The following ESRRB variants were observed in gnomAD, a reference collection of about 807,000 sequenced individuals.
ESRRB encodes estrogen related receptor beta.
In ESRRB, 16 loss-of-function variants were observed where a neutral mutation model predicts 46.0. That is an observed-to-expected ratio of 0.35 (90% CI 0.24 to 0.53). The LOEUF (loss-of-function observed/expected upper bound fraction) is 0.53. Among genes scored for constraint, ESRRB ranks in the 20% least tolerant of loss-of-function variants. ESRRB has a pLI of 0.93. For missense variants in ESRRB, 488 were observed against 607.4 expected (o/e 0.80, Z 2.07); for synonymous variants, 246 against 259.6 (o/e 0.95, Z 0.50).
chr14:76,425,166 A>C (rs1480709412), intron 1 of ESRRB, among the ~76,000 whole-genome samples: 1 of 152,238 alleles, frequency 6.6e-6, no homozygotes, highest in African/African-American at 2.4e-5. Flanking sequence ...TGCCTTCCGC[A>C]GTCTGGAGGG....
intron 2 of ESRRB, among the ~76,000 whole-genome samples, chr14:76,440,699 CTTTCTT>C (rs1318038470): frequency 1.3e-5 from 2 of 149,934 alleles, no homozygotes; most frequent in Non-Finnish European, 2.9e-5. Flanking sequence ...CTCTCACTCT[CTTTCTT>C]TTTCTTTCTC....
chr14:76,326,572 T>A (rs1883932442), intron 1 of ESRRB, among the ~76,000 whole-genome samples: 1 of 152,180 alleles, frequency 6.6e-6, no homozygotes, highest in South Asian at 2.1e-4. Flanking sequence ...ACAGTGAGTG[T>A]TGCTGGCGTT....
At chr14:76,399,781 G>C (rs1181257785) in intron 1 of ESRRB, among the ~76,000 whole-genome samples, 2 of 152,186 alleles carry the variant, frequency 1.3e-5, no homozygotes, top group African/African-American at 2.4e-5. Flanking sequence ...CCATGAGGAA[G>C]GGGACAGCGC....
intron 1 of ESRRB, among the ~76,000 whole-genome samples, chr14:76,385,809 C>A (rs982568027): frequency 5.9e-5 from 9 of 152,326 alleles, no homozygotes; most frequent in African/African-American, 2.2e-4. Flanking sequence ...TGGTTTCCCT[C>A]CCCTTTCTTT....
intron 1 of ESRRB, among the ~76,000 whole-genome samples, chr14:76,410,660 G>A (rs1336292770): frequency 1.3e-5 from 2 of 152,174 alleles, no homozygotes; most frequent in Non-Finnish European, 2.9e-5. Context: ...ATATCCTGGG[G>A]TCTTTCTGTG....
chr14:76,334,543 C>G (rs1055640615), intron 1 of ESRRB, among the ~76,000 whole-genome samples: 1 of 152,176 alleles, frequency 6.6e-6, no homozygotes, highest in Non-Finnish European at 1.5e-5. Flanking sequence ...TCCAGGGCCT[C>G]GCCTGCGACA....
At position 76,482,454 on chromosome 14, in the gene ESRRB, C is replaced by T; in HGVS notation, c.689-144C>T. 1.3e-6 allele frequency: 1 copy of T among 778,810 alleles called. No individual in the cohort carries two copies. Among genetic ancestry groups the T allele is most frequent in the Non-Finnish European group, 2.1e-6 (1 of 471,536 alleles). 48.2% of individuals were successfully genotyped at this position (778,810 alleles called of 1,614,324 possible). A position where few individuals can be genotyped will look rare whatever the true frequency, so the allele number is the denominator to read the frequency against. On this transcript the variant is annotated intron_variant, in intron 4 of 6. Transcript: ENST00000644823. The surrounding 1 kb of genome is among the most constrained non-coding windows in gnomAD (Gnocchi z 4.3). ...CACCACTACCAGCAACTTCATGGAGCCAGAACAGGAGGGGAGATTATAGCC... is the reference window on the plus strand; with the variant it reads ...CACCACTACCAGCAACTTCATGGAGTCAGAACAGGAGGGGAGATTATAGCC...
rs370031835 is a variant in ESRRB at position 76,439,356 on chromosome 14, G to A, written c.66G>A (p.Met22Ile). 1 of 1,613,604 alleles carries A rather than the reference G, an allele frequency of 6.2e-7. No individual in the cohort carries two copies. The part of the protein sequence containing the change: ...LGYHNQLLNR[M>I]SSDDRHLGSS... ...GTGTCCACAGGCTGCTGAACAGGATGTCCTCGGACGACAGGCACCTGGGCT... is the reference window on the plus strand; with the variant it reads ...GTGTCCACAGGCTGCTGAACAGGATATCCTCGGACGACAGGCACCTGGGCT... Residue 22 changes from methionine to isoleucine, a missense_variant, in exon 2 of 7, where the codon ATG (methionine) becomes ATA (isoleucine). Transcript: ENST00000644823.
chr14:76,410,084 CA>C (rs1344039719), intron 1 of ESRRB, among the ~76,000 whole-genome samples: 4 of 152,052 alleles, frequency 2.6e-5, no homozygotes, highest in African/African-American at 9.7e-5. Context: ...ACTAGCCAGG[CA>C]TGGTGGCACA....
intron 1 of ESRRB, among the ~76,000 whole-genome samples, chr14:76,405,528 T>C (rs1031939789): frequency 6.6e-6 from 1 of 152,050 alleles, no homozygotes; most frequent in Non-Finnish European, 1.5e-5. Context: ...GGCATTTAAG[T>C]CCATGAGCAT....
intron 2 of ESRRB, among the ~76,000 whole-genome samples, chr14:76,453,287 T>C (rs1888470159): frequency 6.6e-6 from 1 of 152,192 alleles, no homozygotes; most frequent in South Asian, 2.1e-4. Flanking sequence ...ATCTCTGAAT[T>C]GGGCTGCCTG....
At chr14:76,352,299 G>GT (rs1884323646) in intron 1 of ESRRB, among the ~76,000 whole-genome samples, 1 of 152,226 alleles carries the variant, frequency 6.6e-6, no homozygotes, top group South Asian at 2.1e-4. Context: ...CCAGCATGCA[G>GT]TAAGTGTTCA....
At chr14:76,464,305 A>AC in intron 3 of ESRRB, among the ~76,000 whole-genome samples, 2 of 151,982 alleles carry the variant, frequency 1.3e-5, no homozygotes, top group Non-Finnish European at 2.9e-5. Flanking sequence ...GCCCCAGGGC[A>AC]CTCCTGCTAC....
chr14:76,475,436 GT>G (rs1889543970), intron 3 of ESRRB, among the ~76,000 whole-genome samples: 1 of 151,984 alleles, frequency 6.6e-6, no homozygotes, highest in East Asian at 1.9e-4. Context: ...TGTCCTTTTG[GT>G]TTATTTTCCT....
Position 76,358,173 on chromosome 14 carries a change from G to A in ESRRB, c.2+47257G>A, listed in dbSNP as rs947681196. Among the ~76,000 whole-genome samples, 8 of 151,782 alleles carry A rather than the reference G, an allele frequency of 5.3e-5. No individual in the cohort carries two copies. The South Asian group carries it at 8.3e-4, about 16-fold the overall frequency. ...CTAAAAATACAAAAATTATCCAGGC[G>A]TGGTGGCGGGCGCCTGTAATCCCAG... On this transcript the variant is annotated intron_variant, in intron 1 of 6. Transcript: ENST00000512784.
intron 1 of ESRRB, among the ~76,000 whole-genome samples, chr14:76,397,119 T>C (rs1885721046): frequency 6.6e-6 from 1 of 152,250 alleles, no homozygotes; most frequent in Non-Finnish European, 1.5e-5. Flanking sequence ...CTGACACCAA[T>C]TCCCCTAGTC....
intron 1 of ESRRB, among the ~76,000 whole-genome samples, chr14:76,348,775 C>T (rs1315973601): frequency 6.6e-6 from 1 of 152,152 alleles, no homozygotes; most frequent in African/African-American, 2.4e-5. Context: ...GGGGTGCCAC[C>T]CGGGGCTTTG....
intron 1 of ESRRB, among the ~76,000 whole-genome samples, chr14:76,406,377 C>T (rs1886185364): frequency 1.3e-5 from 2 of 152,116 alleles, no homozygotes; most frequent in African/African-American, 4.8e-5. Flanking sequence ...GGGAGCTCTT[C>T]CCCTAACTCT....
intron 3 of ESRRB, among the ~76,000 whole-genome samples, chr14:76,472,644 G>GT (rs1831764348): frequency 6.6e-6 from 1 of 152,262 alleles, no homozygotes; most frequent in South Asian, 2.1e-4. Flanking sequence ...AGGAAGTCCA[G>GT]TGTATACAAG....
Sources: gnomAD v4.1 joint callset for allele counts (sites outside exome capture counted in the v4.1 genomes callset) on GRCh38, gnomAD v4.1.1 for gene constraint, Gnocchi (gnomAD v3.1) non-coding constraint, MANE v1.5 for transcripts, NCBI Gene and HGNC (gene_info 2026-07-23, HGNC 2026-07-21) for gene names.